Variants in CNTNAP3 observed in about 807,000 individuals in gnomAD.
CNTNAP3 encodes contactin-associated protein-like 3.
In CNTNAP3, 36 loss-of-function variants were observed where a neutral mutation model predicts 92.1. That is an observed-to-expected ratio of 0.39 (90% CI 0.30 to 0.52). CNTNAP3 has a LOEUF of 0.52. CNTNAP3 is among the 20% of genes least tolerant of loss of function. The pLI, the probability that CNTNAP3 is intolerant of heterozygous loss-of-function variation, is 0.76. For missense variants in CNTNAP3, 534 were observed against 1,069.6 expected, an observed-to-expected ratio of 0.50 and a Z score of 6.98; for synonymous variants, 232 against 422.3, an observed-to-expected ratio of 0.55 and a Z score of 5.53.
Position 39,067,617 on chromosome 9 carries a change from C to T in CNTNAP3, c.*6273G>A, listed in dbSNP as rs1825538185. Among the ~76,000 whole-genome samples the T allele has an allele frequency of 6.6e-6, 1 of 152,306 alleles. No individual in the cohort carries two copies. Among genetic ancestry groups the T allele is most frequent in the East Asian group, 1.9e-4 (1 of 5,208 alleles). The stretch of plus-strand genomic sequence containing the variant: ...TTCCACCTTGTTAGCAGGATGGTCT[C>T]CATCTCCCGACCTCGTGATCTGCCT... On this transcript the variant is annotated 3_prime_UTR_variant, in exon 24 of 24. Transcript: ENST00000297668.
chr9:39,108,609 C>T (rs192718460), intron 15 of CNTNAP3, among the ~76,000 whole-genome samples: 12 of 152,180 alleles, frequency 7.9e-5, no homozygotes, highest in Admixed American at 7.2e-4. Context: ...GTTGTGGTTC[C>T]CGTGCTACGC....
intron 15 of CNTNAP3, among the ~76,000 whole-genome samples, chr9:39,104,779 A>T (rs553181097): frequency 6.6e-6 from 1 of 152,136 alleles, no homozygotes; most frequent in African/African-American, 2.4e-5. Flanking sequence ...CATGTTGTGC[A>T]TTTTTGTCAA....
intron 12 of CNTNAP3, 139 bp from the exon 13 acceptor site, chr9:39,133,274 T>C (rs1034839605): frequency 7.8e-6 from 9 of 1,151,186 alleles, no homozygotes; most frequent in African/African-American, 7.7e-5. Flanking sequence ...TTTGAGGAGT[T>C]GGACCTGTGT....
intron 18 of CNTNAP3, among the ~76,000 whole-genome samples, chr9:39,089,710 T>A: frequency 6.6e-6 from 1 of 152,114 alleles, no homozygotes; most frequent in Non-Finnish European, 1.5e-5. Flanking sequence ...TATCTCCACA[T>A]CCTCACCAAC....
chr9:39,087,696 C>T lies in CNTNAP3; in HGVS notation c.3220+727G>A, dbSNP rs537909514. Among the ~76,000 whole-genome samples, 266 of 152,254 alleles carry T rather than the reference C, an allele frequency of 1.7e-3. 3 individuals carry two copies. The highest frequency in any genetic ancestry group is 6.1e-3 in the African/African-American group (254 of 41,540). The stretch of plus-strand genomic sequence containing the variant: ...AGAGATGGGGTTTCACTGTGTTAGC[C>T]AGGATGGTCTCGATTTCCTGACCTC... On this transcript the variant is annotated intron_variant, in intron 19 of 23. Transcript: ENST00000297668.
At position 39,083,431 on chromosome 9, in the gene CNTNAP3, C is replaced by A. The variant is rs192642254; in HGVS notation, c.3442+2305G>T. On this transcript the variant is annotated intron_variant, in intron 21 of 23. Coordinates refer to ENST00000297668, the MANE Select transcript of CNTNAP3 (RefSeq NM_033655.5). ...ATCCCAGCACTTTGGGAGACTGAGG[C>A]GGGTGGATCACAAGGTCAGGAATTC... Among the ~76,000 whole-genome samples, 298 of 152,084 alleles carry A rather than the reference C, an allele frequency of 2.0e-3. 3 individuals carry two copies. The highest frequency in any genetic ancestry group is 7.0e-3 in the African/African-American group (292 of 41,498).
intron 13 of CNTNAP3, among the ~76,000 whole-genome samples, chr9:39,121,831 A>AT: frequency 6.6e-6 from 1 of 152,120 alleles, no homozygotes; most frequent in South Asian, 2.1e-4. Flanking sequence ...AGGAGAAAAC[A>AT]TTTTTGAAAT....
At chr9:39,141,903 T>C (rs576913099) in intron 11 of CNTNAP3, among the ~76,000 whole-genome samples, 1 of 152,244 alleles carries the variant, frequency 6.6e-6, no homozygotes, top group African/African-American at 2.4e-5. Context: ...CAATTAATAA[T>C]TATATACAAT....
chr9:39,077,429 C>T (rs552658168), intron 23 of CNTNAP3, among the ~76,000 whole-genome samples: 73 of 151,982 alleles, frequency 4.8e-4, no homozygotes, highest in African/African-American at 1.7e-3. Context: ...TGGTGGCGGG[C>T]GCCTGTAGTT....
chr9:39,146,665 G>A (rs1821708737), intron 10 of CNTNAP3, among the ~76,000 whole-genome samples: 1 of 152,110 alleles, frequency 6.6e-6, no homozygotes, highest in Non-Finnish European at 1.5e-5. Context: ...CTCCAGCCTG[G>A]GCGACAGAGC....
intron 21 of CNTNAP3, among the ~76,000 whole-genome samples, chr9:39,084,552 A>T (rs1826025513): frequency 6.6e-6 from 1 of 152,162 alleles, no homozygotes; most frequent in South Asian, 2.1e-4. Context: ...ACTCAAGAGA[A>T]ATATATTGGT....
rs1207414035 is a variant in CNTNAP3, at chr9:39,124,914, T to C, written c.2081-6655A>G. Among the ~76,000 whole-genome samples, 3 of 151,984 alleles carry C rather than the reference T, an allele frequency of 2.0e-5. 1 individual carries two copies. Among genetic ancestry groups the C allele is most frequent in the Admixed American group, 6.6e-5 (1 of 15,262 alleles). ...AACACTTTTACACTGTTGGTGGGACTGTAAACTAGTTCAACCATTGTGGAA... is the reference window on the plus strand; with the variant it reads ...AACACTTTTACACTGTTGGTGGGACCGTAAACTAGTTCAACCATTGTGGAA... On this transcript the variant is annotated intron_variant, in intron 13 of 23. Transcript: ENST00000297668.
At chr9:39,105,307 G>A (rs1429980745) in intron 15 of CNTNAP3, among the ~76,000 whole-genome samples, 1 of 152,092 alleles carries the variant, frequency 6.6e-6, no homozygotes, top group Admixed American at 6.5e-5. Flanking sequence ...GGTGCCTGTA[G>A]TCCCAGCTAC....
At chr9:39,125,252 G>A (rs138875467) in intron 13 of CNTNAP3, among the ~76,000 whole-genome samples, 14 of 151,950 alleles carry the variant, frequency 9.2e-5, no homozygotes, top group African/African-American at 1.4e-4. Flanking sequence ...GCAAACTACC[G>A]CAAGGACAAA....
At chr9:39,137,165 G>A (rs1006384226) in intron 12 of CNTNAP3, among the ~76,000 whole-genome samples, 10 of 151,716 alleles carry the variant, frequency 6.6e-5, no homozygotes, top group African/African-American at 2.4e-4. Context: ...ATTATGTTCT[G>A]GGTTTTCTTT....
At chr9:39,126,977 G>A (rs1305042296) in intron 13 of CNTNAP3, among the ~76,000 whole-genome samples, 1 of 151,708 alleles carries the variant, frequency 6.6e-6, no homozygotes, top group South Asian at 2.1e-4. Context: ...AAATGCCGAT[G>A]AAACATTTAC....
chr9:39,134,620 G>A (rs974465367), intron 12 of CNTNAP3, among the ~76,000 whole-genome samples: 6 of 152,062 alleles, frequency 3.9e-5, no homozygotes, highest in African/African-American at 1.4e-4. Flanking sequence ...AGAGACGGGG[G>A]TTTCACCATG....
intron 23 of CNTNAP3, among the ~76,000 whole-genome samples, chr9:39,077,185 A>G (rs1191359687): frequency 6.6e-6 from 1 of 152,200 alleles, no homozygotes; most frequent in Non-Finnish European, 1.5e-5. Context: ...GAAACATACA[A>G]TGGCTACTGC....
At chr9:39,080,496 C>T (rs1825907713) in intron 21 of CNTNAP3, among the ~76,000 whole-genome samples, 1 of 137,406 alleles carries the variant, frequency 7.3e-6, no homozygotes, top group Admixed American at 7.1e-5. Context: ...CTTTCCCCAA[C>T]TGCAAAGCTC....
Sources: gnomAD v4.1 joint callset for allele counts (sites outside exome capture counted in the v4.1 genomes callset) on GRCh38, gnomAD v4.1.1 for gene constraint, MANE v1.5 for transcripts, NCBI Gene and HGNC (gene_info 2026-07-23, HGNC 2026-07-21) for gene names.